The following ZNF827 variants were observed in gnomAD, a reference collection of about 807,000 sequenced individuals.
ZNF827 encodes zinc finger protein 827.
A neutral mutation model predicts 102.4 loss-of-function variants in ZNF827; 13 were observed. That is an observed-to-expected ratio of 0.13 (90% CI 0.08 to 0.20). The LOEUF (loss-of-function observed/expected upper bound fraction) is 0.20, where lower values mean the gene tolerates loss of function less well. ZNF827 is among the 10% of genes least tolerant of loss of function. The pLI, the probability that ZNF827 is intolerant of heterozygous loss-of-function variation, is 1.00. For synonymous variants in ZNF827, 523 were observed against 536.2 expected, an observed-to-expected ratio of 0.98 and a Z score of 0.34; for missense variants, 1,103 against 1,344.4, an observed-to-expected ratio of 0.82 and a Z score of 2.81.
chr4:145,826,067 C>T (rs748782701), intron 7 of ZNF827, among the ~76,000 whole-genome samples: 11 of 152,190 alleles, frequency 7.2e-5, no homozygotes, highest in Non-Finnish European at 1.3e-4. Flanking sequence ...GGGAATCGGT[C>T]TCAGACCAAA....
chr4:145,761,694 C>G lies in ZNF827; in HGVS notation c.*18-96G>C, dbSNP rs537832563. On this transcript the variant is annotated intron_variant, in intron 14 of 14. Transcript: ENST00000508784. This position sits in a 1 kb window ranked among gnomAD's most constrained non-coding sequence, Gnocchi z 6.8. ...CACCAGCCTTCCCTCACACCACCCC[C>G]CAGTGTCTGAGGCCTGGCCTGCCCA... 1.7e-5 allele frequency: 13 copies of G among 781,522 alleles called. No individual in the cohort carries two copies. The Admixed American group carries it at 3.4e-4, about 21-fold the overall frequency. 48.4% of individuals were successfully genotyped at this position (781,522 alleles called of 1,614,324 possible). A position where few individuals can be genotyped will look rare whatever the true frequency, so the allele number is the denominator to read the frequency against.
At chr4:145,881,274 G>T (rs1749639037) in intron 4 of ZNF827, among the ~76,000 whole-genome samples, 1 of 152,188 alleles carries the variant, frequency 6.6e-6, no homozygotes, top group Non-Finnish European at 1.5e-5. Context: ...CTGTCTCTGT[G>T]AGGCTAAAAG....
chr4:145,781,390 T>G (rs981854584), intron 8 of ZNF827, among the ~76,000 whole-genome samples: 2 of 151,946 alleles, frequency 1.3e-5, no homozygotes, highest in Non-Finnish European at 2.9e-5. Context: ...ATTTGCCAGA[T>G]AGGGAAGAAG....
chr4:145,877,623 C>A (rs1466241618), intron 4 of ZNF827, among the ~76,000 whole-genome samples: 1 of 152,096 alleles, frequency 6.6e-6, no homozygotes, highest in Non-Finnish European at 1.5e-5. Context: ...GTACCCAAAG[C>A]AAGACTGTAA....
intron 4 of ZNF827, chr4:145,876,560 A>G (rs1254461776): frequency 1.3e-5 from 2 of 152,218 alleles, no homozygotes; most frequent in African/African-American, 2.4e-5. Context: ...TGGGTAACAC[A>G]CCAAGTATTT....
At position 145,803,767 on chromosome 4, in the gene ZNF827, G is replaced by C. The variant is rs200403541; in HGVS notation, c.2383+19655C>G. The stretch of plus-strand genomic sequence containing the variant: ...CTTGAGCCAGTAATGATTTCCCAAA[G>C]GCCAATCTCCAACTTTATCCCAGTT... On this transcript the variant is annotated intron_variant, in intron 8 of 14. Coordinates refer to ENST00000508784, the MANE Select transcript of ZNF827 (RefSeq NM_001306215.2). 2.0e-5 allele frequency among the ~76,000 whole-genome samples: 3 copies of C among 152,096 alleles called. No individual in the cohort carries two copies. In the East Asian group the frequency reaches 5.8e-4, roughly 29 times the overall value.
intron 7 of ZNF827, chr4:145,839,665 A>G (rs1007763081): frequency 6.6e-6 from 1 of 152,268 alleles, no homozygotes; most frequent in Admixed American, 6.5e-5. Flanking sequence ...AGATAAGAAC[A>G]GCATCTAAGC....
At chr4:145,792,544 T>TA in intron 8 of ZNF827, among the ~76,000 whole-genome samples, 1 of 148,932 alleles carries the variant, frequency 6.7e-6, no homozygotes, top group South Asian at 2.2e-4. Flanking sequence ...TTTTTTTTTT[T>TA]AAGAGACAGG....
At chr4:145,805,330 T>C (rs1344140755) in intron 8 of ZNF827, among the ~76,000 whole-genome samples, 1 of 152,164 alleles carries the variant, frequency 6.6e-6, no homozygotes, top group African/African-American at 2.4e-5. Flanking sequence ...TTCCCATAAG[T>C]ATTCAGTTAA....
At chr4:145,884,615 C>G (rs907028320) in intron 4 of ZNF827, among the ~76,000 whole-genome samples, 8 of 152,084 alleles carry the variant, frequency 5.3e-5, no homozygotes, top group African/African-American at 9.7e-5. Context: ...GCTGCACAAT[C>G]CTGCAACACA....
chr4:145,795,611 A>G (rs559642446), intron 8 of ZNF827, among the ~76,000 whole-genome samples: 28 of 152,366 alleles, frequency 1.8e-4, no homozygotes, highest in African/African-American at 6.3e-4. Flanking sequence ...TCAAAACAGA[A>G]GCTGAGTTCC....
rs1734290925 is a variant in ZNF827, at chr4:145,760,163, G to GC, written c.*1452dup. On this transcript the variant is annotated 3_prime_UTR_variant, in exon 15 of 15. Coordinates refer to ENST00000508784, the MANE Select transcript of ZNF827 (RefSeq NM_001306215.2). ...CATTCCTTCATCGACTAAGCACCAG[G>GC]CCCTACCACTCTGTAGCCATCAAAG... The GC allele has an allele frequency of 6.6e-6, 1 of 152,214 alleles. No individual in the cohort carries two copies. The highest frequency in any genetic ancestry group is 1.9e-4 in the East Asian group (1 of 5,196). 9.4% of individuals were successfully genotyped at this position (152,214 alleles called of 1,614,324 possible). A position where few individuals can be genotyped will look rare whatever the true frequency, so the allele number is the denominator to read the frequency against.
intron 7 of ZNF827, chr4:145,832,909 ACT>A (rs1246754255): frequency 1.1e-4 from 16 of 152,200 alleles, no homozygotes; most frequent in African/African-American, 3.4e-4. Flanking sequence ...CCCTTTGCTG[ACT>A]CTCTTTTCGG....
rs1160414603 is a variant in ZNF827 at position 145,761,269 on chromosome 4, G to A, written c.*347C>T. On this transcript the variant is annotated 3_prime_UTR_variant, in exon 15 of 15. Coordinates refer to ENST00000508784, the MANE Select transcript of ZNF827 (RefSeq NM_001306215.2). This position sits in a 1 kb window ranked among gnomAD's most constrained non-coding sequence, Gnocchi z 6.8. ...GAACAGGCACTCTTCGCAGCTGAAG[G>A]TCTGGCGTGGGGCGTGCTTCAGCTT... 3 of 1,289,802 alleles carry A rather than the reference G, an allele frequency of 2.3e-6. No individual in the cohort carries two copies. The allele number at this position is 1,289,802 out of a possible 1,614,324, so 79.9% of individuals were successfully genotyped here.
chr4:145,792,829 A>C (rs1639413167), intron 8 of ZNF827, among the ~76,000 whole-genome samples: 1 of 152,204 alleles, frequency 6.6e-6, no homozygotes, highest in African/African-American at 2.4e-5. Flanking sequence ...AAATAAATTA[A>C]ATTAAAAAAT....
Position 145,794,043 on chromosome 4 carries a change from C to T in ZNF827, c.2384-14532G>A, listed in dbSNP as rs149088886. ...TCTTAATCACACTACATACTAAAGG[C>T]TTTGCAGAACTAATCGGTCTTCAAC... On this transcript the variant is annotated intron_variant, in intron 8 of 14. Transcript: ENST00000508784. 2.4e-4 allele frequency among the ~76,000 whole-genome samples: 36 copies of T among 152,280 alleles called. No individual in the cohort carries two copies. In the East Asian group the frequency reaches 6.9e-3, roughly 29 times the overall value.
intron 6 of ZNF827, 74 bp downstream of exon 6, chr4:145,849,248 T>TAA (rs201772793): frequency 0.024 from 33,111 of 1,354,820 alleles, 1,385 homozygotes; most frequent in East Asian, 0.18. Context: ...TTTTTTTTTT[T>TAA]AAAAAAAACT....
intron 8 of ZNF827, among the ~76,000 whole-genome samples, chr4:145,789,369 A>G (rs1414433622): frequency 6.6e-6 from 1 of 152,204 alleles, no homozygotes; most frequent in Admixed American, 6.5e-5. Flanking sequence ...CCATTATGCA[A>G]AACAATATCA....
chr4:145,802,972 G>T (rs1008224461), intron 8 of ZNF827, among the ~76,000 whole-genome samples: 37 of 152,060 alleles, frequency 2.4e-4, no homozygotes, highest in African/African-American at 7.7e-4. Context: ...AAATAGGATA[G>T]ATTAAAAAAT....
Sources: allele counts gnomAD v4.1 joint callset (sites outside exome capture counted in the v4.1 genomes callset), GRCh38; gene constraint gnomAD v4.1.1; non-coding constraint Gnocchi (gnomAD v3.1); transcripts MANE v1.5; gene names NCBI Gene and HGNC (gene_info 2026-07-23, HGNC 2026-07-21).